The following CSMD1 variants were observed in gnomAD, a reference collection of about 807,000 sequenced individuals.
The protein encoded by CSMD1 is CUB and sushi domain-containing protein 1.
A neutral mutation model predicts 417.5 loss-of-function variants in CSMD1; 213 were observed. That is an observed-to-expected ratio of 0.51 (90% confidence interval 0.46 to 0.57). CSMD1 has a LOEUF of 0.57. Among genes scored for constraint, CSMD1 ranks in the 20% least tolerant of loss-of-function variants. The pLI is 0.00. For missense variants in CSMD1, 6,923 were observed against 4,529.7 expected, an observed-to-expected ratio of 1.53 and a Z score of -15.17; for synonymous variants, 2,862 against 1,736.8, an observed-to-expected ratio of 1.65 and a Z score of -16.11.
At chr8:4,620,917 C>T (rs2616979) in intron 2 of CSMD1, among the ~76,000 whole-genome samples, 69,319 of 151,366 alleles carry the variant, frequency 0.46, 16,871 homozygotes, top group African/African-American at 0.64. Context: ...AAATAGGCAA[C>T]TGGCAAATAA....
intron 23 of CSMD1, among the ~76,000 whole-genome samples, chr8:3,311,926 A>T (rs1003108590): frequency 6.6e-6 from 1 of 152,204 alleles, no homozygotes; most frequent in African/African-American, 2.4e-5. Flanking sequence ...TATCCAGAAT[A>T]TGCCTCTATG....
At chr8:4,518,022 T>G (rs1053499650) in intron 2 of CSMD1, among the ~76,000 whole-genome samples, 1 of 152,188 alleles carries the variant, frequency 6.6e-6, no homozygotes, top group African/African-American at 2.4e-5. Context: ...ATAAGCTGTT[T>G]AAGAAAGATA....
intron 12 of CSMD1, among the ~76,000 whole-genome samples, chr8:3,451,752 C>T (rs560349271): frequency 4.4e-4 from 67 of 152,222 alleles, no homozygotes; most frequent in East Asian, 2.9e-3. Context: ...GGTAGCATGA[C>T]GCCTCCAGCT....
chr8:4,745,255 T>A (rs188488688), intron 1 of CSMD1, among the ~76,000 whole-genome samples: 2 of 152,310 alleles, frequency 1.3e-5, no homozygotes, highest in Non-Finnish European at 2.9e-5. Context: ...CTAGAGAGAA[T>A]TGTATTTTTC....
intron 12 of CSMD1, among the ~76,000 whole-genome samples, chr8:3,435,355 C>G (rs1279893859): frequency 6.6e-6 from 1 of 152,194 alleles, no homozygotes; most frequent in Non-Finnish European, 1.5e-5. Flanking sequence ...AGTGGTTCTT[C>G]TCCATCAGCC....
At chr8:4,042,015 C>A (rs942420225) in intron 3 of CSMD1, among the ~76,000 whole-genome samples, 2 of 151,734 alleles carry the variant, frequency 1.3e-5, no homozygotes, top group African/African-American at 2.4e-5. Flanking sequence ...ACTAAGAGCA[C>A]AGAGAATCAA....
rs181190082 is a variant in CSMD1, at chr8:3,507,893, G to T, written c.1345-14167C>A. On this transcript the variant is annotated intron_variant, in intron 10 of 69. Transcript: ENST00000635120. ...TGCAAATTTGTTTGAGTTCATTGTAGATTCTGGATATTAGCCCTTTGTCAG... is the reference window on the plus strand; with the variant it reads ...TGCAAATTTGTTTGAGTTCATTGTATATTCTGGATATTAGCCCTTTGTCAG... Among the ~76,000 whole-genome samples the T allele has an allele frequency of 4.6e-3, 702 of 152,104 alleles. 5 individuals carry two copies. Among genetic ancestry groups the T allele is most frequent in the South Asian group, 0.025 (121 of 4,804 alleles).
chr8:3,167,365 A>C (rs1235086833), intron 37 of CSMD1, among the ~76,000 whole-genome samples: 1 of 151,994 alleles, frequency 6.6e-6, no homozygotes, highest in Non-Finnish European at 1.5e-5. Context: ...AACCACAATT[A>C]TTTTTGTGCC....
chr8:2,976,222 GAA>G (rs113816097), intron 55 of CSMD1, among the ~76,000 whole-genome samples: 2 of 137,506 alleles, frequency 1.5e-5, no homozygotes, highest in African/African-American at 2.7e-5. Context: ...CTCACTTGGA[GAA>G]AAAAAAAAAA....
intron 7 of CSMD1, among the ~76,000 whole-genome samples, chr8:3,694,669 G>C (rs947105094): frequency 3.3e-5 from 5 of 151,892 alleles, no homozygotes; most frequent in African/African-American, 9.7e-5. Context: ...TGGAGGAGGT[G>C]CTCCACTGAA....
chr8:4,744,051 C>T lies in CSMD1; in HGVS notation c.86-106493G>A, dbSNP rs1197802367. On this transcript the variant is annotated intron_variant, in intron 1 of 69. Coordinates refer to ENST00000635120, the MANE Select transcript of CSMD1 (RefSeq NM_033225.6). ...GGCTGGCACACGCAGCCCCGTTTTT[C>T]TTATGCGGCTTTGATGATGATTCAA... Among the ~76,000 whole-genome samples the T allele has an allele frequency of 3.3e-5, 5 of 152,318 alleles. No individual in the cohort carries two copies. In the East Asian group the frequency reaches 9.6e-4, roughly 29 times the overall value.
At chr8:4,832,604 C>A (rs966781528) in intron 1 of CSMD1, among the ~76,000 whole-genome samples, 1 of 152,168 alleles carries the variant, frequency 6.6e-6, no homozygotes, top group East Asian at 1.9e-4. Flanking sequence ...TACTAGCTGA[C>A]ACTTAGGGAT....
rs565204586 is a variant in CSMD1 at position 4,679,908 on chromosome 8, G to T, written c.86-42350C>A. 2.0e-5 allele frequency among the ~76,000 whole-genome samples: 3 copies of T among 152,202 alleles called. No individual in the cohort carries two copies. In the East Asian group the frequency reaches 5.8e-4, roughly 29 times the overall value. ...AAATGCTCATTTAATTTTAAAAATA[G>T]ATTGCTGTTTCCCAAATTAATTGCA... On this transcript the variant is annotated intron_variant, in intron 1 of 69. Coordinates refer to ENST00000635120, the MANE Select transcript of CSMD1 (RefSeq NM_033225.6).
chr8:3,752,174 G>A (rs1797375048), intron 6 of CSMD1, among the ~76,000 whole-genome samples: 1 of 152,082 alleles, frequency 6.6e-6, no homozygotes, highest in Admixed American at 6.6e-5. Context: ...CAAGATAACG[G>A]CAGATATGGG....
intron 3 of CSMD1, among the ~76,000 whole-genome samples, chr8:4,318,517 T>C (rs561925511): frequency 6.6e-6 from 1 of 152,194 alleles, no homozygotes; most frequent in Non-Finnish European, 1.5e-5. Flanking sequence ...GCGAGAAAAC[T>C]TGAGTAAGTA....
intron 7 of CSMD1, among the ~76,000 whole-genome samples, chr8:3,646,083 G>C (rs1797556483): frequency 6.6e-6 from 1 of 150,846 alleles, no homozygotes; most frequent in South Asian, 2.1e-4. Context: ...TTGTGGCAGA[G>C]TTACAAAATA....
chr8:4,313,245 A>G (rs1410215915), intron 3 of CSMD1, among the ~76,000 whole-genome samples: 1 of 152,140 alleles, frequency 6.6e-6, no homozygotes, highest in African/African-American at 2.4e-5. Flanking sequence ...CTAGTTGGCT[A>G]AATTTTCAGT....
chr8:4,015,604 C>G (rs1014788185), intron 4 of CSMD1, among the ~76,000 whole-genome samples: 2 of 138,560 alleles, frequency 1.4e-5, no homozygotes, highest in Non-Finnish European at 3.1e-5. Flanking sequence ...CAATGACTAT[C>G]ATTCAGTCTC....
intron 1 of CSMD1, among the ~76,000 whole-genome samples, chr8:4,789,216 A>G (rs1797565895): frequency 6.6e-6 from 1 of 152,218 alleles, no homozygotes; most frequent in African/African-American, 2.4e-5. Context: ...ATTTGTAGTT[A>G]ATATAAAGAA....
Sources: allele counts gnomAD v4.1 joint callset (sites outside exome capture counted in the v4.1 genomes callset), GRCh38; gene constraint gnomAD v4.1.1; transcripts MANE v1.5; gene names NCBI Gene and HGNC (gene_info 2026-07-23, HGNC 2026-07-21).